Variants in NCLN observed in about 807,000 individuals in gnomAD.
NCLN encodes the protein nicalin.
Under a neutral mutation model 69.5 loss-of-function variants are expected in NCLN, and 34 were observed. The ratio of observed to expected loss-of-function variants is 0.49; its 90% CI spans 0.37 to 0.65. NCLN has a LOEUF of 0.65. NCLN is among the 30% of genes least tolerant of loss of function. The pLI is 0.00. For missense variants in NCLN, 710 were observed against 804.8 expected (o/e 0.88, Z 1.42); for synonymous variants, 393 against 358.3 (o/e 1.10, Z -1.09).
intron 8 of NCLN, 121 bp from the exon 9 acceptor site, chr19:3,204,452 G>T: frequency 8.8e-7 from 1 of 1,137,190 alleles, no homozygotes; most frequent in East Asian, 2.8e-5. Flanking sequence ...CCCGGGGGCA[G>T]GTGGATTTCT....
chr19:3,203,726 T>C (rs1353229203), intron 6 of NCLN, 30 bp from the exon 7 acceptor site: 2 of 1,591,756 alleles, frequency 1.3e-6, no homozygotes, highest in South Asian at 1.1e-5. Context: ...CGCTTGCCCG[T>C]CAAAGCTAAC....
At chr19:3,207,081 C>T in intron 12 of NCLN, 117 bp from the exon 13 acceptor site, 3 of 1,204,588 alleles carry the variant, frequency 2.5e-6, no homozygotes, top group Admixed American at 1.7e-5. Flanking sequence ...GCCTCAACCT[C>T]CCAAAGTGCT....
chr19:3,198,721 GC>G, intron 4 of NCLN, 95 bp from the exon 5 acceptor site: 1 of 936,918 alleles, frequency 1.1e-6, no homozygotes, highest in East Asian at 2.9e-5. Flanking sequence ...CAGCGGACGG[GC>G]CCCACGTGGC....
chr19:3,195,395 G>A (rs1352933995), intron 3 of NCLN, among the ~76,000 whole-genome samples: 3 of 151,832 alleles, frequency 2.0e-5, no homozygotes, highest in Non-Finnish European at 4.4e-5. Context: ...GACTACAGGT[G>A]CCCACCACCA....
Position 3,205,219 on chromosome 19 carries a change from C to A in NCLN, c.1208+468C>A, listed in dbSNP as rs501132. Among the ~76,000 whole-genome samples the A allele has an allele frequency of 0.22, 33,658 of 152,150 alleles. 3,760 individuals are homozygous for A. Among genetic ancestry groups the A allele is most frequent in the East Asian group, 0.27 (1,378 of 5,170 alleles). ...CCCGTCTCTCTGCCATCATGTGAGC[C>A]CCTGGGCAGGCTTTTGTGGAGCCTG... On this transcript the variant is annotated intron_variant, in intron 9 of 14. Transcript: ENST00000246117. This position sits in a 1 kb window ranked among gnomAD's most constrained non-coding sequence, Gnocchi z 4.6.
Position 3,185,950 on chromosome 19 carries a change from T to C in NCLN, c.-81T>C, listed in dbSNP as rs1915653328. 4 of 1,165,376 alleles carry C rather than the reference T, an allele frequency of 3.4e-6. No homozygotes were observed. Among genetic ancestry groups the C allele is most frequent in the African/African-American group, 1.6e-5 (1 of 60,776 alleles). The allele number at this position is 1,165,376 out of a possible 1,614,324, so 72.2% of individuals were successfully genotyped here. A position where few individuals can be genotyped will look rare whatever the true frequency, so the allele number is the denominator to read the frequency against. On this transcript the variant is annotated 5_prime_UTR_variant, in exon 1 of 15. The change abolishes an upstream ATG in the 5' untranslated region. Transcript: ENST00000246117. ...CCCGCAGGACCCCGGCGGCTACCCA[T>C]GCCGAGGTGAGTCCGCGGGAGCCGC...
At chr19:3,200,847 G>A (rs1225160367) in intron 5 of NCLN, among the ~76,000 whole-genome samples, 1 of 152,066 alleles carries the variant, frequency 6.6e-6, no homozygotes, top group African/African-American at 2.4e-5. Context: ...CGGGTCCTAT[G>A]AACAGATCCT....
chr19:3,208,028 G>A lies in NCLN; in HGVS notation c.*340G>A, dbSNP rs1036287422. The A allele has an allele frequency of 4.6e-5, 14 of 301,664 alleles. No homozygotes were observed. The highest frequency in any genetic ancestry group is 3.0e-4 in the East Asian group (4 of 13,304). The allele number at this position is 301,664 out of a possible 1,614,324, so 18.7% of individuals were successfully genotyped here. On this transcript the variant is annotated 3_prime_UTR_variant, in exon 15 of 15. Coordinates refer to ENST00000246117, the MANE Select transcript of NCLN (RefSeq NM_020170.4). ...CATGCACGATTAAAGAGGAGACGCC[G>A]GGACCCCCTGCCCGATCGCGCGCGG...
rs769674348 is a variant in NCLN, at chr19:3,205,935, G to T, written c.1209-4G>T. 2.5e-6 allele frequency: 4 copies of T among 1,613,368 alleles called. No homozygotes were observed. The highest frequency in any genetic ancestry group is 3.4e-6 in the Non-Finnish European group (4 of 1,179,888). On this transcript the variant is annotated splice_region_variant and splice_polypyrimidine_tract_variant and intron_variant, in intron 9 of 14. Coordinates refer to ENST00000246117, the MANE Select transcript of NCLN (RefSeq NM_020170.4). This position sits in a 1 kb window ranked among gnomAD's most constrained non-coding sequence, Gnocchi z 4.6. Reference sequence around the variant, plus strand: ...TTTTAAAACATTGTTTTTGAATCGTGAAGGTCCCGGGTGGATTCTAAGACC... The same window carrying T: ...TTTTAAAACATTGTTTTTGAATCGTTAAGGTCCCGGGTGGATTCTAAGACC...
intron 1 of NCLN, among the ~76,000 whole-genome samples, chr19:3,188,346 A>AG (rs1245105353): frequency 6.6e-6 from 1 of 152,054 alleles, no homozygotes; most frequent in Non-Finnish European, 1.5e-5. Flanking sequence ...TCTCCCCGCA[A>AG]GTCCGCCCAG....
chr19:3,186,331 GC>G, intron 1 of NCLN, 117 bp downstream of exon 1: 2 of 1,194,744 alleles, frequency 1.7e-6, no homozygotes, highest in Non-Finnish European at 2.2e-6. Context: ...CCATGCTCAG[GC>G]CCCAGGCGAG....
At chr19:3,187,019 C>T (rs1281262666) in intron 1 of NCLN, among the ~76,000 whole-genome samples, 1 of 152,196 alleles carries the variant, frequency 6.6e-6, no homozygotes, top group Admixed American at 6.5e-5. Context: ...GTTCAGTCCA[C>T]TCGCCTGGGG....
rs1265922220 is a variant in NCLN at position 3,186,149 on chromosome 19, C to T, written c.119C>T (p.Ala40Val). 2.5e-6 allele frequency: 4 copies of T among 1,596,326 alleles called. No homozygotes were observed. Among genetic ancestry groups the T allele is most frequent in the Admixed American group, 1.7e-5 (1 of 58,654 alleles). The change falls in exon 1 of 15, where the codon GCC becomes GTC. Residue 40 changes from alanine (A) to valine (V), a missense_variant. Physicochemically the swap from Ala to Val is moderately conservative, Grantham distance 64 (BLOSUM62 0). Transcript: ENST00000246117. ...LLLVAPPLPA[A>V]DAAHEFTVYR... is the part of the protein sequence containing the mutation. Reference sequence around the variant, plus strand: ...CTGGTGGCGCCGCCGCTGCCTGCCGCCGACGCCGCGCACGAGTTCACCGTG... The same window carrying T: ...CTGGTGGCGCCGCCGCTGCCTGCCGTCGACGCCGCGCACGAGTTCACCGTG...
chr19:3,204,811 G>A, intron 9 of NCLN, 60 bp downstream of exon 9: 1 of 1,374,344 alleles, frequency 7.3e-7, no homozygotes, highest in Non-Finnish European at 9.4e-7. Context: ...TGAGCCACTG[G>A]TCGCAACTGC....
Position 3,204,592 on chromosome 19 carries a change from C to G in NCLN, c.1049C>G (p.Pro350Arg). 6.4e-7 allele frequency: 1 copy of G among 1,560,948 alleles called. No individual in the cohort carries two copies. ...ELETVAAHQF[P>R]EVRFSMVHKR... ...CTGCAGGTGGCCGCGCACCAGTTCC[C>G]TGAGGTACGGTTCTCCATGGTGCAC... Residue 350 changes from proline to arginine, a missense_variant, in exon 9 of 15, where the codon CCT becomes CGT. Coordinates refer to ENST00000246117, the MANE Select transcript of NCLN (RefSeq NM_020170.4).
At chr19:3,196,150 G>A in intron 3 of NCLN, 33 bp from the exon 4 acceptor site, 1 of 1,499,160 alleles carries the variant, frequency 6.7e-7, no homozygotes, top group Non-Finnish European at 9.0e-7. Flanking sequence ...CCCTGGCTGG[G>A]CCAAGGCTGA....
chr19:3,189,057 C>A (rs1176792694), intron 1 of NCLN, among the ~76,000 whole-genome samples: 7 of 152,230 alleles, frequency 4.6e-5, no homozygotes, highest in African/African-American at 7.2e-5. Context: ...AGTCCTTTCC[C>A]AACTTCCTTC....
At chr19:3,206,697 G>A (rs1354582575) in intron 12 of NCLN, among the ~76,000 whole-genome samples, 1 of 152,254 alleles carries the variant, frequency 6.6e-6, no homozygotes, top group Non-Finnish European at 1.5e-5. Flanking sequence ...TTAGGCGGAT[G>A]TGGCAGTGGG....
Position 3,206,315 on chromosome 19 carries a change from G to T in NCLN, c.1389G>T (p.Pro463=). The T allele has an allele frequency of 6.5e-7, 1 of 1,548,254 alleles. No homozygotes were observed. Among genetic ancestry groups the T allele is most frequent in the Non-Finnish European group, 8.7e-7 (1 of 1,146,916 alleles). ...TGATGGACTGGCTCACCAACCAGCC[G>T]CGGGCCGCGCAGCTGGTGGACAAGG... The part of the protein sequence containing the change: ...DSVMDWLTNQ[P]RAAQLVDKDS... Residue 463 remains proline, a synonymous_variant, in exon 12 of 15, where the codon CCG becomes CCT. Coordinates refer to ENST00000246117, the MANE Select transcript of NCLN (RefSeq NM_020170.4).
Sources: gnomAD v4.1 joint callset for allele counts (sites outside exome capture counted in the v4.1 genomes callset) on GRCh38, gnomAD v4.1.1 for gene constraint, Gnocchi (gnomAD v3.1) non-coding constraint, MANE v1.5 for transcripts, NCBI Gene and HGNC (gene_info 2026-07-23, HGNC 2026-07-21) for gene names.